The following ZBBX variants were observed in gnomAD, a reference collection of about 807,000 sequenced individuals.
The protein encoded by ZBBX is zinc finger B-box domain containing, also known as zinc finger B-box domain-containing protein 1.
A neutral mutation model predicts 108.5 loss-of-function variants in ZBBX; 101 were observed. The observed-to-expected ratio is 0.93, with a 90% CI of 0.79 to 1.10. The LOEUF is 1.10. Among genes scored for constraint, ZBBX ranks in the 50% least tolerant of loss-of-function variants. ZBBX has a pLI of 0.00. For missense variants in ZBBX, 1,009 were observed against 941.4 expected (o/e 1.07, Z -0.94); for synonymous variants, 356 against 323.4 (o/e 1.10, Z -1.08).
At chr3:167,344,961 A>C (rs1247739755) in intron 9 of ZBBX, among the ~76,000 whole-genome samples, 1 of 151,912 alleles carries the variant, frequency 6.6e-6, no homozygotes, top group Non-Finnish European at 1.5e-5. Flanking sequence ...TAAAGGTCAA[A>C]TGCTCACATT....
chr3:167,238,862 C>G (rs1200319106), downstream of ZBBX, among the ~76,000 whole-genome samples: 1 of 152,142 alleles, frequency 6.6e-6, no homozygotes, highest in African/African-American at 2.4e-5. Flanking sequence ...CAGCAAAATA[C>G]TTCCCTTTGT....
the ZBBX span, among the ~76,000 whole-genome samples, chr3:167,199,448 G>A: frequency 6.6e-6 from 1 of 152,146 alleles, no homozygotes; most frequent in East Asian, 1.9e-4. Flanking sequence ...TTATATACAG[G>A]TCCATAGAAA....
the ZBBX span, among the ~76,000 whole-genome samples, chr3:167,181,210 C>T: frequency 6.6e-6 from 1 of 152,120 alleles, no homozygotes; most frequent in African/African-American, 2.4e-5. Flanking sequence ...TTTTCCTAGT[C>T]TCATACCAAG....
chr3:167,238,242 C>A (rs1720310790), downstream of ZBBX, among the ~76,000 whole-genome samples: 3 of 151,938 alleles, frequency 2.0e-5, no homozygotes, highest in Admixed American at 6.6e-5. Context: ...GCTTTGGACA[C>A]AAATGATGAA....
At chr3:167,181,819 C>T in the ZBBX span, among the ~76,000 whole-genome samples, 1 of 152,178 alleles carries the variant, frequency 6.6e-6, no homozygotes, top group Admixed American at 6.5e-5. Flanking sequence ...CTAGACCTAC[C>T]TAGAAGTAAT....
intron 9 of ZBBX, among the ~76,000 whole-genome samples, chr3:167,347,424 A>G (rs562395631): frequency 1.3e-5 from 2 of 152,100 alleles, no homozygotes; most frequent in Admixed American, 1.3e-4. Flanking sequence ...GATATGTTTA[A>G]CTATGACAGC....
chr3:167,219,790 T>A, the ZBBX span, among the ~76,000 whole-genome samples: 2 of 151,648 alleles, frequency 1.3e-5, no homozygotes, highest in Non-Finnish European at 2.9e-5. Flanking sequence ...AAACTGGATT[T>A]AAAAAACTAC....
intron 20 of ZBBX, among the ~76,000 whole-genome samples, chr3:167,260,405 C>G (rs1019371480): frequency 6.6e-6 from 1 of 152,150 alleles, no homozygotes; most frequent in Non-Finnish European, 1.5e-5. Context: ...AAGTTTTCCT[C>G]GATTATTCCC....
At chr3:167,214,263 A>G in the ZBBX span, among the ~76,000 whole-genome samples, 2 of 152,114 alleles carry the variant, frequency 1.3e-5, no homozygotes, top group African/African-American at 4.8e-5. Context: ...CTTACACATA[A>G]TGACACCCAT....
chr3:167,266,459 A>C (rs1461970131), intron 20 of ZBBX, among the ~76,000 whole-genome samples: 1 of 152,128 alleles, frequency 6.6e-6, no homozygotes, highest in Non-Finnish European at 1.5e-5. Context: ...AATAACTCAC[A>C]TCTCTTCCCT....
At chr3:167,283,388 C>G (rs1327737791) in intron 19 of ZBBX, among the ~76,000 whole-genome samples, 3 of 151,972 alleles carry the variant, frequency 2.0e-5, no homozygotes, top group Non-Finnish European at 4.4e-5. Flanking sequence ...AATTATTGTT[C>G]TGATTTAGGT....
At chr3:167,366,177 C>T (rs1745289403) in intron 5 of ZBBX, among the ~76,000 whole-genome samples, 1 of 151,726 alleles carries the variant, frequency 6.6e-6, no homozygotes, top group African/African-American at 2.4e-5. Flanking sequence ...TATTTATGAC[C>T]TTTGTGGAGA....
chr3:167,355,027 C>G (rs1743296153), intron 8 of ZBBX, among the ~76,000 whole-genome samples: 1 of 151,932 alleles, frequency 6.6e-6, no homozygotes, highest in East Asian at 1.9e-4. Flanking sequence ...AGGACTCCTT[C>G]CCACCACAGA....
chr3:167,371,600 A>G (rs535119874), intron 4 of ZBBX, among the ~76,000 whole-genome samples: 1 of 152,108 alleles, frequency 6.6e-6, no homozygotes, highest in Admixed American at 6.6e-5. Flanking sequence ...ATGCACACTT[A>G]ATTAATGTTT....
chr3:167,233,244 C>A, the ZBBX span, among the ~76,000 whole-genome samples: 1 of 151,824 alleles, frequency 6.6e-6, no homozygotes, highest in Non-Finnish European at 1.5e-5. Flanking sequence ...GGAACTGAAC[C>A]AACTCTGGGC....
At chr3:167,304,358 G>T (rs1733241535) in intron 17 of ZBBX, among the ~76,000 whole-genome samples, 1 of 152,082 alleles carries the variant, frequency 6.6e-6, no homozygotes, top group Non-Finnish European at 1.5e-5. Flanking sequence ...TCTTCATGTT[G>T]CCCTGTGGAA....
chr3:167,332,603 C>T (rs924301832), intron 10 of ZBBX, among the ~76,000 whole-genome samples: 1 of 152,068 alleles, frequency 6.6e-6, no homozygotes, highest in Non-Finnish European at 1.5e-5. Context: ...AAAGCACAAA[C>T]CTTACATGGT....
At chr3:167,370,556 T>C (rs900527258) in intron 4 of ZBBX, among the ~76,000 whole-genome samples, 2 of 152,072 alleles carry the variant, frequency 1.3e-5, no homozygotes, top group Admixed American at 1.3e-4. Context: ...ACTTCTGACG[T>C]TTTTGAAGTC....
intron 11 of ZBBX, among the ~76,000 whole-genome samples, chr3:167,326,062 TAAG>T (rs1375773737): frequency 6.6e-6 from 1 of 152,176 alleles, no homozygotes; most frequent in African/African-American, 2.4e-5. Flanking sequence ...AAATTTATTT[TAAG>T]GTAAATATGT....
Sources: allele counts gnomAD v4.1 joint callset (sites outside exome capture counted in the v4.1 genomes callset), GRCh38; gene constraint gnomAD v4.1.1; transcripts MANE v1.5; gene names NCBI Gene and HGNC (gene_info 2026-07-23, HGNC 2026-07-21).